Variants in NCOR2 observed in about 807,000 individuals in gnomAD.
NCOR2 encodes the protein CTG repeat protein 26.
Under a neutral mutation model 262.9 loss-of-function variants are expected in NCOR2, and 81 were observed. That is an observed-to-expected ratio of 0.31 (90% confidence interval 0.26 to 0.37). The LOEUF is 0.37. NCOR2 is among the 10% of genes least tolerant of loss of function. The pLI, the probability that NCOR2 is intolerant of heterozygous loss-of-function variation, is 1.00. For synonymous variants in NCOR2, 1,659 were observed against 1,559.3 expected (o/e 1.06, Z -1.51); for missense variants, 3,385 against 3,621.4 (o/e 0.93, Z 1.68).
At position 124,454,895 on chromosome 12, in the gene NCOR2, C is replaced by T. The variant is rs2045751853; in HGVS notation, c.762+2211G>A. 6.6e-6 allele frequency among the ~76,000 whole-genome samples: 1 copy of T among 152,240 alleles called. No individual in the cohort carries two copies. The highest frequency in any genetic ancestry group is 6.5e-5 in the Admixed American group (1 of 15,304). ...ATTCACAATACCCCAAATATGCAAACAATCTCACGTCCACCGACTGATGAG... is the reference window on the plus strand; with the variant it reads ...ATTCACAATACCCCAAATATGCAAATAATCTCACGTCCACCGACTGATGAG... On this transcript the variant is annotated intron_variant, in intron 6 of 46. Transcript: ENST00000405201. This position sits in a 1 kb window ranked among gnomAD's most constrained non-coding sequence, Gnocchi z 5.6.
At chr12:124,375,247 A>C (rs2039895016) in intron 18 of NCOR2, among the ~76,000 whole-genome samples, 1 of 152,196 alleles carries the variant, frequency 6.6e-6, no homozygotes, top group South Asian at 2.1e-4. Flanking sequence ...GTCAGAGTAC[A>C]GGACGTTGGG....
intron 1 of NCOR2, among the ~76,000 whole-genome samples, chr12:124,528,258 C>T (rs186222992): frequency 6.6e-6 from 1 of 152,330 alleles, no homozygotes; most frequent in East Asian, 1.9e-4. Flanking sequence ...AGATTAAAAA[C>T]AAGTACAATG....
At chr12:124,328,756 G>A (rs1005804741) in intron 44 of NCOR2, 1 of 180,876 alleles carries the variant, frequency 5.5e-6, no homozygotes, top group Non-Finnish European at 1.2e-5. Flanking sequence ...CCGACCACTC[G>A]CTCCTTTGTA....
rs748135958 is a variant in NCOR2 at position 124,454,265 on chromosome 12, G to A, written c.762+2841C>T. On this transcript the variant is annotated intron_variant, in intron 6 of 46. Transcript: ENST00000405201. This position sits in a 1 kb window ranked among gnomAD's most constrained non-coding sequence, Gnocchi z 5.6. ...TGGGACGGCAACAGCTCTGTGAGGC[G>A]TCCTCCCTGTCCCCACTGACTGGCA... Among the ~76,000 whole-genome samples the A allele has an allele frequency of 1.3e-5, 2 of 152,130 alleles. No homozygotes were observed. The highest frequency in any genetic ancestry group is 1.3e-4 in the Admixed American group (2 of 15,270).
At position 124,445,142 on chromosome 12, in the gene NCOR2, G is replaced by A. The variant is rs1311652307; in HGVS notation, c.815+4673C>T. Among the ~76,000 whole-genome samples the A allele has an allele frequency of 5.9e-5, 9 of 152,316 alleles. No individual in the cohort carries two copies. The East Asian group carries it at 1.7e-3, about 29-fold the overall frequency. ...GGCTTCCAGGCCTGAGGGGGCCGGT[G>A]AACCAGGGCAACCCCCGGGCAGGCA... On this transcript the variant is annotated intron_variant, in intron 7 of 46. Coordinates refer to ENST00000405201, the Ensembl canonical transcript of NCOR2.
intron 1 of NCOR2, among the ~76,000 whole-genome samples, chr12:124,553,861 A>G (rs1228385815): frequency 1.3e-5 from 2 of 152,180 alleles, no homozygotes; most frequent in Non-Finnish European, 2.9e-5. Context: ...TGGGGCACCC[A>G]CGGGAGGAGA....
intron 1 of NCOR2, among the ~76,000 whole-genome samples, chr12:124,533,216 G>A (rs2050940717): frequency 6.6e-6 from 1 of 151,606 alleles, no homozygotes. Flanking sequence ...GCCTAGTGGG[G>A]GGCCCCCAAA....
chr12:124,365,466 A>G (rs1258600047), intron 20 of NCOR2, among the ~76,000 whole-genome samples: 1 of 152,220 alleles, frequency 6.6e-6, no homozygotes, highest in African/African-American at 2.4e-5. Context: ...CAGGGTGCTG[A>G]GGCCCCTGCC....
rs924583078 is a variant in NCOR2, at chr12:124,389,559, G to A, written c.1877-3672C>T. ...ACAGCTTCTTCCGCCATCATCCCCC[G>A]CCGCCCGTCCCCCCACCCTCCGTGT... On this transcript the variant is annotated intron_variant, in intron 16 of 46. Coordinates refer to ENST00000405201, the Ensembl canonical transcript of NCOR2. The surrounding 1 kb of genome is among the most constrained non-coding windows in gnomAD (Gnocchi z 4.4). Among the ~76,000 whole-genome samples, 7 of 142,610 alleles carry A rather than the reference G, an allele frequency of 4.9e-5. No individual in the cohort carries two copies. The highest frequency in any genetic ancestry group is 9.1e-5 in the Non-Finnish European group (6 of 65,644). 93.6% of individuals were successfully genotyped at this position (142,610 alleles called of 152,430 possible). A position where few individuals can be genotyped will look rare whatever the true frequency, so the allele number is the denominator to read the frequency against.
At chr12:124,337,855 G>C (rs1320937166) in intron 37 of NCOR2, among the ~76,000 whole-genome samples, 1 of 152,220 alleles carries the variant, frequency 6.6e-6, no homozygotes, top group African/African-American at 2.4e-5. Context: ...CCGGAGCCCT[G>C]CGTTTCCATG....
At chr12:124,468,290 C>CATCCTT (rs2046609199) in intron 4 of NCOR2, among the ~76,000 whole-genome samples, 2 of 57,558 alleles carry the variant, frequency 3.5e-5, no homozygotes, top group Non-Finnish European at 7.9e-5. Flanking sequence ...CCCTCATCCT[C>CATCCTT]ATCACGCCCA....
chr12:124,430,461 C>T (rs1436941967), intron 9 of NCOR2, 154 bp downstream of exon 11: 10 of 827,732 alleles, frequency 1.2e-5, no homozygotes, highest in African/African-American at 5.1e-5. Context: ...AGAGGCTCCA[C>T]GTGACACAGG....
exon 7 of NCOR2, chr12:124,449,865 C>G: frequency 6.2e-7 from 1 of 1,613,914 alleles, no homozygotes; most frequent in Non-Finnish European, 8.5e-7. Context: ...GGTTGTACAG[C>G]GGCTGCAAAG....
chr12:124,459,966 A>C (rs1412061443), intron 5 of NCOR2, among the ~76,000 whole-genome samples: 1 of 152,068 alleles, frequency 6.6e-6, no homozygotes, highest in Non-Finnish European at 1.5e-5. Flanking sequence ...GCTGTTCCCC[A>C]CATCTTCACA....
chr12:124,438,560 G>C (rs530431684), intron 7 of NCOR2, among the ~76,000 whole-genome samples: 2 of 149,842 alleles, frequency 1.3e-5, no homozygotes, highest in African/African-American at 5.1e-5. Context: ...ACCCCCGGGC[G>C]GGGGCGGTCT....
intron 38 of NCOR2, 126 bp downstream of exon 40, chr12:124,336,627 C>T (rs1276291796): frequency 2.2e-5 from 33 of 1,497,874 alleles, no homozygotes; most frequent in African/African-American, 2.9e-5. Context: ...GGGTGCGGGC[C>T]GGAAGTCTTA....
At chr12:124,426,040 C>T (rs887117019) in intron 11 of NCOR2, among the ~76,000 whole-genome samples, 2 of 152,254 alleles carry the variant, frequency 1.3e-5, no homozygotes, top group African/African-American at 4.8e-5. Flanking sequence ...AGCTGCCGCC[C>T]TGCCCAAGGC....
intron 31 of NCOR2, 142 bp downstream of exon 33, chr12:124,346,422 C>T (rs190478332): frequency 2.4e-5 from 22 of 934,020 alleles, no homozygotes; most frequent in East Asian, 2.2e-4. Context: ...AGCTGAGGCC[C>T]GGTGATGAGC....
chr12:124,514,393 G>A (rs1300706911), intron 1 of NCOR2: 1 of 152,290 alleles, frequency 6.6e-6, no homozygotes, highest in African/African-American at 2.4e-5. Context: ...GGGGACAGGG[G>A]TGATGGGCAT....
Sources: allele counts gnomAD v4.1 joint callset (sites outside exome capture counted in the v4.1 genomes callset), GRCh38; gene constraint gnomAD v4.1.1; non-coding constraint Gnocchi (gnomAD v3.1); transcripts MANE v1.5; gene names NCBI Gene and HGNC (gene_info 2026-07-23, HGNC 2026-07-21).